The following DCDC2 variants were observed in gnomAD, a reference collection of about 807,000 sequenced individuals.
DCDC2 encodes doublecortin domain containing 2.
In DCDC2, 40 loss-of-function variants were observed where a neutral mutation model predicts 50.2. That is an observed-to-expected ratio of 0.80 (90% CI 0.62 to 1.04). The LOEUF (loss-of-function observed/expected upper bound fraction) is 1.04, where lower values mean the gene tolerates loss of function less well. Among genes scored for constraint, DCDC2 ranks in the 50% least tolerant of loss-of-function variants. DCDC2 has a pLI of 0.00. For synonymous variants in DCDC2, 234 were observed against 210.6 expected, an observed-to-expected ratio of 1.11 and a Z score of -0.96; for missense variants, 570 against 581.9, an observed-to-expected ratio of 0.98 and a Z score of 0.21.
chr6:24,358,129 C>T, upstream of DCDC2: 1 of 325,824 alleles, frequency 3.1e-6, no homozygotes, highest in Non-Finnish European at 5.8e-6. Context: ...GAGGAGGACG[C>T]ACACACACAC....
At chr6:24,242,672 A>G (rs1435736618) in intron 7 of DCDC2, among the ~76,000 whole-genome samples, 1 of 152,218 alleles carries the variant, frequency 6.6e-6, no homozygotes, top group Non-Finnish European at 1.5e-5. Context: ...GAAGACAGGA[A>G]GAAAGATGGT....
chr6:24,227,939 G>A (rs1005244039), intron 7 of DCDC2, among the ~76,000 whole-genome samples: 3 of 152,212 alleles, frequency 2.0e-5, no homozygotes. Context: ...CAAGTTGCTG[G>A]AAGATGGTGA....
chr6:24,333,869 G>C lies in DCDC2; in HGVS notation c.348+19700C>G, dbSNP rs1760010863. On this transcript the variant is annotated intron_variant, in intron 2 of 9. Coordinates refer to ENST00000378454, the MANE Select transcript of DCDC2 (RefSeq NM_016356.5). ...TGATGGTAGAGGTGGCAGAAGTGGA[G>C]AGAAGAGGGTGAATTTCAGAAACAG... is the stretch of plus-strand genomic sequence containing the variant. Among the ~76,000 whole-genome samples the C allele has an allele frequency of 2.0e-5, 3 of 152,192 alleles. No homozygotes were observed. In the South Asian group the frequency reaches 6.2e-4, roughly 32 times the overall value.
chr6:24,226,368 T>A (rs1234801428), intron 7 of DCDC2, among the ~76,000 whole-genome samples: 2 of 152,166 alleles, frequency 1.3e-5, no homozygotes, highest in Non-Finnish European at 2.9e-5. Context: ...CTCAATGAAG[T>A]TTTCCCAGAG....
chr6:24,184,690 G>C (rs1046738455), intron 8 of DCDC2, among the ~76,000 whole-genome samples: 1 of 152,158 alleles, frequency 6.6e-6, no homozygotes, highest in Non-Finnish European at 1.5e-5. Context: ...TTGTCTAGCA[G>C]AGTACCTGAA....
chr6:24,302,086 T>C (rs1759389111), intron 2 of DCDC2, 42 bp from the exon 3 acceptor site: 2 of 1,540,644 alleles, frequency 1.3e-6, no homozygotes, highest in Non-Finnish European at 1.8e-6. Flanking sequence ...ACTAAGCTTA[T>C]ATTAGCTTTT....
At chr6:24,294,281 G>A (rs1763814305) in intron 4 of DCDC2, among the ~76,000 whole-genome samples, 1 of 152,144 alleles carries the variant, frequency 6.6e-6, no homozygotes, top group South Asian at 2.1e-4. Flanking sequence ...CTTGAGCCCA[G>A]GAGGTTGAGG....
chr6:24,172,102 A>C lies in DCDC2; in HGVS notation c.*2628T>G, dbSNP rs1207935618. 6.6e-6 allele frequency: 1 copy of C among 152,230 alleles called. No individual in the cohort carries two copies. Among genetic ancestry groups the C allele is most frequent in the Non-Finnish European group, 1.5e-5 (1 of 68,036 alleles). The allele number at this position is 152,230 out of a possible 1,614,324, so 9.4% of individuals were successfully genotyped here. On this transcript the variant is annotated 3_prime_UTR_variant, in exon 10 of 10. Coordinates refer to ENST00000378454, the MANE Select transcript of DCDC2 (RefSeq NM_016356.5). ...TCTGCCACGGAGACCACCATTCTCC[A>C]CAGAGAAAACTGCCACATTTGTGAG...
intron 2 of DCDC2, among the ~76,000 whole-genome samples, chr6:24,350,889 G>A (rs1281968905): frequency 1.3e-5 from 2 of 152,088 alleles, no homozygotes; most frequent in African/African-American, 2.4e-5. Flanking sequence ...TTTGTGAAAT[G>A]CCAGTGTTCT....
Position 24,174,117 on chromosome 6 carries a change from G to A in DCDC2, c.*613C>T, listed in dbSNP as rs1326346630. 2 of 152,274 alleles carry A rather than the reference G, an allele frequency of 1.3e-5. No homozygotes were observed. The highest frequency in any genetic ancestry group is 4.8e-5 in the African/African-American group (2 of 41,422). The allele number at this position is 152,274 out of a possible 1,614,324, so 9.4% of individuals were successfully genotyped here. A position where few individuals can be genotyped will look rare whatever the true frequency, so the allele number is the denominator to read the frequency against. On this transcript the variant is annotated 3_prime_UTR_variant, in exon 10 of 10. Coordinates refer to ENST00000378454, the MANE Select transcript of DCDC2 (RefSeq NM_016356.5). ...TTTAAGTGACGGCATGGCGATACTA[G>A]TCACTAACACTCTGAACCAATGCTT...
chr6:24,353,908 A>G (rs960880545), intron 1 of DCDC2, among the ~76,000 whole-genome samples: 5 of 152,210 alleles, frequency 3.3e-5, no homozygotes, highest in African/African-American at 1.2e-4. Context: ...GCTGCTTACT[A>G]TATACACTAT....
intron 7 of DCDC2, among the ~76,000 whole-genome samples, chr6:24,227,466 A>T (rs1762253504): frequency 6.6e-6 from 1 of 152,174 alleles, no homozygotes; most frequent in Admixed American, 6.5e-5. Flanking sequence ...ATCTTCTGAG[A>T]TGAATGTTGA....
intron 2 of DCDC2, among the ~76,000 whole-genome samples, chr6:24,345,122 T>A (rs1228874044): frequency 6.6e-6 from 1 of 152,204 alleles, no homozygotes; most frequent in African/African-American, 2.4e-5. Flanking sequence ...TAGTTCGCTC[T>A]TTGAAGCCTC....
At chr6:24,205,348 G>A (rs917193284) in intron 7 of DCDC2, 2 of 1,498,176 alleles carry the variant, frequency 1.3e-6, no homozygotes, top group Non-Finnish European at 1.8e-6. Flanking sequence ...CGAAGCTCCT[G>A]TTCACCCTTT....
chr6:24,274,967 A>G (rs1763321011), intron 7 of DCDC2, among the ~76,000 whole-genome samples: 1 of 152,184 alleles, frequency 6.6e-6, no homozygotes, highest in African/African-American at 2.4e-5. Flanking sequence ...AGCTTATTTA[A>G]TATCAAATTT....
intron 7 of DCDC2, among the ~76,000 whole-genome samples, chr6:24,234,790 A>T (rs1408195379): frequency 6.6e-6 from 1 of 152,198 alleles, no homozygotes; most frequent in African/African-American, 2.4e-5. Context: ...ACCCCAAAAA[A>T]TGTACACCAC....
chr6:24,324,900 A>G (rs1394227723), intron 2 of DCDC2, among the ~76,000 whole-genome samples: 1 of 151,748 alleles, frequency 6.6e-6, no homozygotes, highest in Non-Finnish European at 1.5e-5. Flanking sequence ...AAAACAAAGA[A>G]AGACAGAAAA....
chr6:24,273,015 C>CAT (rs1181751998), intron 7 of DCDC2, among the ~76,000 whole-genome samples: 2 of 150,478 alleles, frequency 1.3e-5, no homozygotes, highest in African/African-American at 4.9e-5. Flanking sequence ...GACATACACA[C>CAT]ACACACACAC....
chr6:24,327,019 G>T (rs1480963517), intron 2 of DCDC2, among the ~76,000 whole-genome samples: 1 of 149,542 alleles, frequency 6.7e-6, no homozygotes, highest in Non-Finnish European at 1.5e-5. Context: ...CTTCAGCACA[G>T]CTCAGCACCT....
Sources: gnomAD v4.1 joint callset for allele counts (sites outside exome capture counted in the v4.1 genomes callset) on GRCh38, gnomAD v4.1.1 for gene constraint, MANE v1.5 for transcripts, NCBI Gene and HGNC (gene_info 2026-07-23, HGNC 2026-07-21) for gene names.